The following TNFAIP8 variants were observed in gnomAD, a reference collection of about 807,000 sequenced individuals.
TNFAIP8 encodes the protein TNF alpha induced protein 8, also known as tumor necrosis factor alpha-induced protein 8.
TNFAIP8 carries 7 observed loss-of-function variants against 13.3 expected under a neutral mutation model. That is an observed-to-expected ratio of 0.52 (90% CI 0.30 to 0.99). TNFAIP8 has a LOEUF of 0.99. Ranked by LOEUF, TNFAIP8 falls within the 50% of genes least tolerant of loss-of-function variation. The pLI is 0.07. For missense variants in TNFAIP8, 258 were observed against 236.9 expected (o/e 1.09, Z -0.58); for synonymous variants, 94 against 87.6 (o/e 1.07, Z -0.41).
At chr5:119,361,512 G>C (rs1018189480) in intron 1 of TNFAIP8, among the ~76,000 whole-genome samples, 3 of 152,154 alleles carry the variant, frequency 2.0e-5, no homozygotes, top group African/African-American at 4.8e-5. Flanking sequence ...GCTTTGTAGT[G>C]AATAATAGTT....
In TNFAIP8 at chr5:119,393,448, G is replaced by A; in HGVS notation, c.*67G>A. The A allele has an allele frequency of 7.3e-7, 1 of 1,373,538 alleles. No homozygotes were observed. 85.1% of individuals were successfully genotyped at this position (1,373,538 alleles called of 1,614,324 possible). On this transcript the variant is annotated 3_prime_UTR_variant, in exon 2 of 2. Coordinates refer to ENST00000504771, the MANE Select transcript of TNFAIP8 (RefSeq NM_014350.4). ...GATGGAGCACTGCTGATTTATGAAGGAAAAAAGAAGAATTTTCTAAAGATT... is the reference window on the plus strand; with the variant it reads ...GATGGAGCACTGCTGATTTATGAAGAAAAAAAGAAGAATTTTCTAAAGATT...
At chr5:119,359,019 C>T (rs188499607) in intron 1 of TNFAIP8, among the ~76,000 whole-genome samples, 463 of 152,222 alleles carry the variant, frequency 3.0e-3, no homozygotes, top group African/African-American at 0.011. Flanking sequence ...TGCTATTTCA[C>T]AAAGAAAACA....
intron 1 of TNFAIP8, among the ~76,000 whole-genome samples, chr5:119,319,230 C>CACTACT (rs1428066002): frequency 1.3e-5 from 2 of 152,188 alleles, no homozygotes; most frequent in Non-Finnish European, 2.9e-5. Flanking sequence ...GCTGTGATGG[C>CACTACT]ACTACTACAC....
At chr5:119,340,473 C>T (rs1004049310) in intron 1 of TNFAIP8, among the ~76,000 whole-genome samples, 2 of 152,162 alleles carry the variant, frequency 1.3e-5, no homozygotes, top group Non-Finnish European at 2.9e-5. Flanking sequence ...CCATGGAGGT[C>T]CTGGAGATTT....
intron 1 of TNFAIP8, among the ~76,000 whole-genome samples, chr5:119,304,811 T>C (rs960535212): frequency 6.6e-6 from 1 of 152,208 alleles, no homozygotes; most frequent in South Asian, 2.1e-4. Flanking sequence ...AGGAAGCAAA[T>C]CAGCATATTT....
chr5:119,270,386 C>A (rs765882734), intron 1 of TNFAIP8, among the ~76,000 whole-genome samples: 3 of 152,128 alleles, frequency 2.0e-5, no homozygotes, highest in Non-Finnish European at 4.4e-5. Context: ...TTATTGCCAC[C>A]GTCTAATTAG....
intron 1 of TNFAIP8, among the ~76,000 whole-genome samples, chr5:119,376,149 C>G (rs1217513570): frequency 6.6e-6 from 1 of 151,072 alleles, no homozygotes; most frequent in Non-Finnish European, 1.5e-5. Context: ...AAATCTTGCT[C>G]TGTTGCCCAG....
intron 1 of TNFAIP8, among the ~76,000 whole-genome samples, chr5:119,296,276 C>T (rs1185368371): frequency 6.6e-6 from 1 of 151,464 alleles, no homozygotes; most frequent in Non-Finnish European, 1.5e-5. Flanking sequence ...TCATAGATAG[C>T]TCTTATTATT....
chr5:119,268,768 C>G (rs902669404), exon 1 of TNFAIP8: 1 of 671,596 alleles, frequency 1.5e-6, no homozygotes, highest in Non-Finnish European at 2.7e-6. Context: ...CCTCTGCCTC[C>G]TTTTCTCCCG....
In TNFAIP8 at chr5:119,394,485, A is replaced by T. The variant is rs955641373; in HGVS notation, c.*1104A>T. On this transcript the variant is annotated 3_prime_UTR_variant, in exon 2 of 2. Transcript: ENST00000504771. ...GTTTCTATATAATTTTCTGTGTATA[A>T]ATAATAAAGTAGGCATTTGTTTATT... is the stretch of plus-strand genomic sequence containing the variant. 6.6e-6 allele frequency: 1 copy of T among 152,162 alleles called. No homozygotes were observed. Among genetic ancestry groups the T allele is most frequent in the African/African-American group, 2.4e-5 (1 of 41,414 alleles). 9.4% of individuals were successfully genotyped at this position (152,162 alleles called of 1,614,324 possible).
intron 1 of TNFAIP8, among the ~76,000 whole-genome samples, chr5:119,275,648 G>A (rs1489648251): frequency 6.6e-6 from 1 of 152,076 alleles, no homozygotes; most frequent in Non-Finnish European, 1.5e-5. Flanking sequence ...GCCATGTTCT[G>A]TAACTTCCTC....
intron 1 of TNFAIP8, among the ~76,000 whole-genome samples, chr5:119,292,132 T>C (rs1359517110): frequency 6.6e-6 from 1 of 152,010 alleles, no homozygotes; most frequent in Admixed American, 6.6e-5. Context: ...GCAGAGGCTT[T>C]AGGATGGGAG....
rs569993179 is a variant in TNFAIP8, at chr5:119,292,071, C to T, written c.1+23164C>T. On this transcript the variant is annotated intron_variant, in intron 1 of 1. Transcript: ENST00000274456. ...AGCGATTGATTTGCTCACAGAATGC[C>T]AGGAAGGCTCAGAAATGAGAGTTCC... is the stretch of plus-strand genomic sequence containing the variant. 2.0e-5 allele frequency among the ~76,000 whole-genome samples: 3 copies of T among 152,280 alleles called. No homozygotes were observed. In the South Asian group the frequency reaches 6.2e-4, roughly 32 times the overall value.
At chr5:119,285,446 C>G (rs1748752104) in intron 1 of TNFAIP8, among the ~76,000 whole-genome samples, 1 of 152,114 alleles carries the variant, frequency 6.6e-6, no homozygotes, top group Non-Finnish European at 1.5e-5. Flanking sequence ...AGGAATTCTG[C>G]ACAAGTGGCT....
chr5:119,369,186 T>C (rs1242938356), intron 1 of TNFAIP8, among the ~76,000 whole-genome samples: 1 of 151,740 alleles, frequency 6.6e-6, no homozygotes, highest in Non-Finnish European at 1.5e-5. Flanking sequence ...CCCAAGTAGG[T>C]GGGATTATGG....
At chr5:119,271,785 T>A (rs1748300355) in intron 1 of TNFAIP8, among the ~76,000 whole-genome samples, 1 of 152,190 alleles carries the variant, frequency 6.6e-6, no homozygotes, top group Non-Finnish European at 1.5e-5. Context: ...CCAGATTAAC[T>A]TTTATCACCT....
Position 119,295,344 on chromosome 5 carries a change from A to T in TNFAIP8, c.1+26437A>T, listed in dbSNP as rs570992491. 2.6e-5 allele frequency among the ~76,000 whole-genome samples: 4 copies of T among 151,858 alleles called. 1 individual carries two copies. Among genetic ancestry groups the T allele is most frequent in the South Asian group, 4.2e-4 (2 of 4,784 alleles). The stretch of plus-strand genomic sequence containing the variant: ...AAGGGATCCAGTTTCAGCTTTCTAC[A>T]TATGGCTAGCCAGTTTTCCCAGCAC... On this transcript the variant is annotated intron_variant, in intron 1 of 1. Coordinates refer to the TNFAIP8 transcript ENST00000274456.
chr5:119,350,785 C>A (rs554652632), intron 1 of TNFAIP8, among the ~76,000 whole-genome samples: 7 of 152,150 alleles, frequency 4.6e-5, no homozygotes, highest in Admixed American at 3.9e-4. Context: ...TTACCCATAA[C>A]TTCAAACTCC....
intron 1 of TNFAIP8, among the ~76,000 whole-genome samples, chr5:119,365,666 A>G (rs1751823077): frequency 6.6e-6 from 1 of 152,216 alleles, no homozygotes; most frequent in African/African-American, 2.4e-5. Context: ...TGATAGCAAA[A>G]TATTAGTGCA....
Sources: gnomAD v4.1 joint callset for allele counts (sites outside exome capture counted in the v4.1 genomes callset) on GRCh38, gnomAD v4.1.1 for gene constraint, MANE v1.5 for transcripts, NCBI Gene and HGNC (gene_info 2026-07-23, HGNC 2026-07-21) for gene names.